ELL: variants seen among roughly 807,000 people sequenced by gnomAD.
ELL encodes the protein elongation factor for RNA polymerase II.
In ELL, 18 loss-of-function variants were observed where a neutral mutation model predicts 64.0. The ratio of observed to expected loss-of-function variants is 0.28; its 90% CI spans 0.19 to 0.42. The LOEUF (loss-of-function observed/expected upper bound fraction) is 0.42, where lower values mean the gene tolerates loss of function less well. ELL is among the 10% of genes least tolerant of loss of function. The pLI, the probability that ELL is intolerant of heterozygous loss-of-function variation, is 1.00. For missense variants in ELL, 797 were observed against 870.4 expected, an observed-to-expected ratio of 0.92 and a Z score of 1.06; for synonymous variants, 399 against 376.2, an observed-to-expected ratio of 1.06 and a Z score of -0.70.
chr19:18,476,624 C>T (rs1476595713), intron 1 of ELL, among the ~76,000 whole-genome samples: 1 of 152,234 alleles, frequency 6.6e-6, no homozygotes, highest in African/African-American at 2.4e-5. Context: ...AACAAGACTT[C>T]ATGCCTCAGA....
intron 5 of ELL, 116 bp downstream of exon 5, chr19:18,461,461 AG>A (rs900539101): frequency 6.8e-7 from 1 of 1,472,690 alleles, no homozygotes; most frequent in Non-Finnish European, 9.1e-7. Context: ...GAGAGACCCC[AG>A]GAAGGGCTCT....
intron 2 of ELL, among the ~76,000 whole-genome samples, chr19:18,468,420 C>A (rs1974997490): frequency 6.6e-6 from 1 of 152,214 alleles, no homozygotes; most frequent in African/African-American, 2.4e-5. Flanking sequence ...CTGCCTGCAC[C>A]TCCCTTCCCA....
chr19:18,500,659 T>C (rs535212330), intron 1 of ELL, among the ~76,000 whole-genome samples: 1 of 152,236 alleles, frequency 6.6e-6, no homozygotes, highest in Non-Finnish European at 1.5e-5. Context: ...CCCTGCAACC[T>C]CTTGGCGAGC....
chr19:18,460,942 C>T (rs2144912390), intron 5 of ELL, among the ~76,000 whole-genome samples: 1 of 152,190 alleles, frequency 6.6e-6, no homozygotes, highest in Non-Finnish European at 1.5e-5. Context: ...CCCAGGAAGC[C>T]AAGGTGGAGC....
rs376642816 is a variant in ELL, at chr19:18,444,734, C to T, written c.*18G>A. 89 of 1,586,656 alleles carry T rather than the reference C, an allele frequency of 5.6e-5. No homozygotes were observed. The African/African-American group carries it at 1.0e-3, about 18-fold the overall frequency. On this transcript the variant is annotated 3_prime_UTR_variant, in exon 12 of 12. Transcript: ENST00000262809. ...TGCTCCCCCGACCCTCCCAGATCCC[C>T]GCCATCGGGGAGGGCGGCTAGGGCC...
At chr19:18,445,367 G>T in intron 10 of ELL, 99 bp from the exon 11 acceptor site, 1 of 1,159,342 alleles carries the variant, frequency 8.6e-7, no homozygotes, top group Non-Finnish European at 1.3e-6. Flanking sequence ...GGGCATGGGA[G>T]GGTGGGGCAG....
chr19:18,491,098 T>C (rs1243714401), intron 1 of ELL, among the ~76,000 whole-genome samples: 1 of 152,092 alleles, frequency 6.6e-6, no homozygotes, highest in Non-Finnish European at 1.5e-5. Flanking sequence ...TGTTTTTTCC[T>C]TTGAGACAGG....
chr19:18,509,477 C>T (rs1024162615), intron 1 of ELL, among the ~76,000 whole-genome samples: 24 of 152,224 alleles, frequency 1.6e-4, no homozygotes, highest in African/African-American at 3.4e-4. Flanking sequence ...CGCCCCCACC[C>T]GGCCCCTTGG....
At chr19:18,476,345 T>C (rs1975174433) in intron 1 of ELL, among the ~76,000 whole-genome samples, 1 of 152,198 alleles carries the variant, frequency 6.6e-6, no homozygotes, top group Non-Finnish European at 1.5e-5. Flanking sequence ...ACAGTGATGA[T>C]GCTGAGGCCA....
At position 18,466,923 on chromosome 19, in the gene ELL, C is replaced by T. The variant is rs972779640; in HGVS notation, c.184-1005G>A. On this transcript the variant is annotated intron_variant, in intron 2 of 11. Transcript: ENST00000262809. ...GCGGGAGAGACTGTGGCTGAATCTC[C>T]TGCCCCCTCGCCCCTGCTGAGCTGC... Among the ~76,000 whole-genome samples, 10 of 152,210 alleles carry T rather than the reference C, an allele frequency of 6.6e-5. No homozygotes were observed. In the East Asian group the frequency reaches 1.7e-3, roughly 26 times the overall value.
chr19:18,445,147 G>A (rs2037293187), intron 11 of ELL, 77 bp downstream of exon 11: 1 of 1,577,280 alleles, frequency 6.3e-7, no homozygotes. Context: ...CGGGCAGGGA[G>A]GCTGCCCCGG....
At chr19:18,487,059 A>C (rs1975433423) in intron 1 of ELL, among the ~76,000 whole-genome samples, 1 of 152,104 alleles carries the variant, frequency 6.6e-6, no homozygotes, top group South Asian at 2.1e-4. Context: ...GGTAAATCCT[A>C]ATCACTCAGG....
intron 1 of ELL, among the ~76,000 whole-genome samples, chr19:18,482,308 C>CTTTT (rs530594631): frequency 0.042 from 3,215 of 77,464 alleles, 618 homozygotes; most frequent in African/African-American, 0.1. Context: ...CTTTTCATTC[C>CTTTT]TTTTTTTTTT....
chr19:18,510,531 C>T (rs1482964073), intron 1 of ELL, among the ~76,000 whole-genome samples: 2 of 152,134 alleles, frequency 1.3e-5, no homozygotes, highest in African/African-American at 4.8e-5. Context: ...TCACCTGAGC[C>T]CAGGTGATCC....
rs112823456 is a variant in ELL at position 18,480,182 on chromosome 19, G to A, written c.136-7300C>T. 8.1e-3 allele frequency among the ~76,000 whole-genome samples: 1,230 copies of A among 152,332 alleles called. 16 individuals are homozygous for A. The highest frequency in any genetic ancestry group is 0.028 in the African/African-American group (1,145 of 41,560). On this transcript the variant is annotated intron_variant, in intron 1 of 11. Transcript: ENST00000262809. ...TCCAGCAGAGGGAAGGTGAAGTCCCGGGAAGAGCCCTGGACGGTGGCCTCC... is the reference window on the plus strand; with the variant it reads ...TCCAGCAGAGGGAAGGTGAAGTCCCAGGAAGAGCCCTGGACGGTGGCCTCC...
At chr19:18,473,641 C>T (rs967458260) in intron 1 of ELL, among the ~76,000 whole-genome samples, 101 of 152,312 alleles carry the variant, frequency 6.6e-4, no homozygotes, top group African/African-American at 2.4e-3. Flanking sequence ...AGAGACCAGC[C>T]TTCTGGCAGT....
intron 1 of ELL, among the ~76,000 whole-genome samples, chr19:18,478,050 G>T (rs1600468140): frequency 6.6e-6 from 1 of 152,140 alleles, no homozygotes. Flanking sequence ...AGTGTCGGCT[G>T]CAGACAGGCA....
intron 1 of ELL, among the ~76,000 whole-genome samples, chr19:18,481,459 G>A (rs1040328963): frequency 1.3e-5 from 2 of 151,984 alleles, no homozygotes; most frequent in African/African-American, 4.8e-5. Context: ...TGCCCACTGG[G>A]GTCATGCAGC....
intron 8 of ELL, 35 bp downstream of exon 8, chr19:18,450,442 G>A: frequency 6.3e-7 from 1 of 1,598,994 alleles, no homozygotes; most frequent in Admixed American, 1.7e-5. Flanking sequence ...CCAGTACTTA[G>A]AGCCCCGGCA....
Sources: allele counts gnomAD v4.1 joint callset (sites outside exome capture counted in the v4.1 genomes callset), GRCh38; gene constraint gnomAD v4.1.1; transcripts MANE v1.5; gene names NCBI Gene and HGNC (gene_info 2026-07-23, HGNC 2026-07-21).